The following RPS6KC1 variants were observed in gnomAD, a reference collection of about 807,000 sequenced individuals.
The protein encoded by RPS6KC1 is inactive ribosomal protein S6 kinase delta-1.
Under a neutral mutation model 103.8 loss-of-function variants are expected in RPS6KC1, and 54 were observed. The observed-to-expected ratio is 0.52, with a 90% CI of 0.42 to 0.65. RPS6KC1 has a LOEUF of 0.65. Ranked by LOEUF, RPS6KC1 falls within the 30% of genes least tolerant of loss-of-function variation. The pLI is 0.00. For synonymous variants in RPS6KC1, 439 were observed against 438.7 expected (o/e 1.00, Z -0.01); for missense variants, 1,151 against 1,253.8 (o/e 0.92, Z 1.24).
chr1:213,811,302 C>T, the RPS6KC1 span, among the ~76,000 whole-genome samples: 1 of 152,260 alleles, frequency 6.6e-6, no homozygotes, highest in African/African-American at 2.4e-5. Flanking sequence ...TTGAACGTGG[C>T]GGGGCTCGCA....
the RPS6KC1 span, among the ~76,000 whole-genome samples, chr1:213,628,196 A>G: frequency 6.6e-6 from 1 of 152,148 alleles, no homozygotes; most frequent in Non-Finnish European, 1.5e-5. Flanking sequence ...TAGATTTTCT[A>G]GTTTATTTGC....
chr1:213,215,634 T>A (rs1199589873), intron 8 of RPS6KC1, among the ~76,000 whole-genome samples: 3 of 152,080 alleles, frequency 2.0e-5, no homozygotes, highest in Admixed American at 2.0e-4. Flanking sequence ...GAGAGAAAGG[T>A]CGGGTTACCC....
chr1:213,241,410 T>G lies in RPS6KC1; in HGVS notation c.1934T>G (p.Phe645Cys). 4 of 1,613,942 alleles carry G rather than the reference T, an allele frequency of 2.5e-6. No homozygotes were observed. The highest frequency in any genetic ancestry group is 3.4e-6 in the Non-Finnish European group (4 of 1,179,952). The change falls in exon 11 of 15, where the codon TTT (phenylalanine) becomes TGT (cysteine). Residue 645 changes from phenylalanine to cysteine, a missense_variant. Phe to Cys is a radical substitution (Grantham distance 205, BLOSUM62 -2). Coordinates refer to ENST00000366960, the MANE Select transcript of RPS6KC1 (RefSeq NM_012424.6). ...LPDGDSASRS[F>C]NTSESKVEFK... ...GATGGAGACAGTGCTTCTAGGAGTT[T>G]TAATACTAGTGAAAGCAAGGTAGAG...
chr1:213,246,627 C>T (rs978214274), intron 12 of RPS6KC1, among the ~76,000 whole-genome samples: 1 of 151,966 alleles, frequency 6.6e-6, no homozygotes, highest in Non-Finnish European at 1.5e-5. Context: ...AAAGAATAAA[C>T]CTTTGTTTAT....
chr1:213,101,565 T>A (rs970395899), intron 3 of RPS6KC1, among the ~76,000 whole-genome samples: 1 of 152,218 alleles, frequency 6.6e-6, no homozygotes, highest in African/African-American at 2.4e-5. Flanking sequence ...TCCAATTTTT[T>A]TTTGTATTTG....
Position 213,262,756 on chromosome 1 carries a change from T to TCA in RPS6KC1, c.3034_3035dup (p.Thr1013LeufsTer3). The TCA allele has an allele frequency of 6.2e-7, 1 of 1,613,132 alleles. No homozygotes were observed. The highest frequency in any genetic ancestry group is 8.5e-7 in the Non-Finnish European group (1 of 1,179,070). On this transcript the variant is annotated frameshift_variant, in exon 14 of 15. Coordinates refer to ENST00000366960, the MANE Select transcript of RPS6KC1 (RefSeq NM_012424.6). LOFTEE classifies it high-confidence loss of function. ...AATGCCATCCAGCAGGAATAAATAC[T>TCA]CACACTACTTTGAACATGCCAGAAT...
At chr1:213,497,496 A>G in the RPS6KC1 span, among the ~76,000 whole-genome samples, 923 of 152,318 alleles carry the variant, frequency 6.1e-3, 16 homozygotes, top group African/African-American at 0.021. Context: ...TCATATAAGG[A>G]TATTACAATT....
chr1:213,774,317 G>A, the RPS6KC1 span, among the ~76,000 whole-genome samples: 12 of 152,140 alleles, frequency 7.9e-5, no homozygotes, highest in Admixed American at 1.3e-4. Context: ...CCCAGTCCTC[G>A]GGATTGCAAT....
chr1:213,499,788 G>A, the RPS6KC1 span, among the ~76,000 whole-genome samples: 4 of 152,180 alleles, frequency 2.6e-5, no homozygotes, highest in Middle Eastern at 3.2e-3. Context: ...AACCTGTACG[G>A]CATGTTACTG....
At chr1:213,608,372 G>A in the RPS6KC1 span, among the ~76,000 whole-genome samples, 1 of 152,186 alleles carries the variant, frequency 6.6e-6, no homozygotes, top group Non-Finnish European at 1.5e-5. Flanking sequence ...CTCTCCTGGT[G>A]GCCCCCTAAA....
intron 3 of RPS6KC1, among the ~76,000 whole-genome samples, chr1:213,092,052 A>T (rs2081015018): frequency 1.3e-5 from 2 of 151,478 alleles, no homozygotes; most frequent in African/African-American, 4.9e-5. Context: ...CCTTGATTTC[A>T]TGCTAAGAGG....
chr1:213,151,244 C>G (rs1342408616), intron 6 of RPS6KC1, among the ~76,000 whole-genome samples: 1 of 115,280 alleles, frequency 8.7e-6, no homozygotes, highest in African/African-American at 3.8e-5. Context: ...CCCTCCCGGA[C>G]GGGGCGGCTG....
the RPS6KC1 span, among the ~76,000 whole-genome samples, chr1:213,757,719 G>A: frequency 1.3e-5 from 2 of 152,176 alleles, no homozygotes; most frequent in Admixed American, 6.5e-5. Flanking sequence ...GCCTTCTATT[G>A]GAAGAAGATG....
the RPS6KC1 span, among the ~76,000 whole-genome samples, chr1:213,512,981 T>G: frequency 6.6e-6 from 1 of 152,188 alleles, no homozygotes; most frequent in Admixed American, 6.5e-5. Flanking sequence ...CTCTTAAAGA[T>G]GAGCATGTCC....
chr1:213,256,532 C>CT (rs1484178044), intron 12 of RPS6KC1, among the ~76,000 whole-genome samples: 1 of 144,666 alleles, frequency 6.9e-6, no homozygotes, highest in African/African-American at 2.7e-5. Context: ...AGCTGATGAG[C>CT]TAAAAAAAAA....
At chr1:213,708,868 T>C in the RPS6KC1 span, among the ~76,000 whole-genome samples, 1 of 152,248 alleles carries the variant, frequency 6.6e-6, no homozygotes, top group Non-Finnish European at 1.5e-5. Flanking sequence ...GATTTGTGTA[T>C]GTTGAACCAG....
chr1:213,360,201 A>G, the RPS6KC1 span, among the ~76,000 whole-genome samples: 4 of 152,266 alleles, frequency 2.6e-5, no homozygotes, highest in Non-Finnish European at 5.9e-5. Flanking sequence ...CACCAATCGG[A>G]CGCAGATTTG....
the RPS6KC1 span, among the ~76,000 whole-genome samples, chr1:213,613,603 C>T: frequency 6.6e-6 from 1 of 152,184 alleles, no homozygotes; most frequent in Non-Finnish European, 1.5e-5. Flanking sequence ...TATCTATTAT[C>T]CTCTCCTTTC....
chr1:213,118,428 A>C (rs2083957580), intron 5 of RPS6KC1, among the ~76,000 whole-genome samples: 1 of 152,150 alleles, frequency 6.6e-6, no homozygotes. Flanking sequence ...TAAACTAAAT[A>C]ATATTGCTTA....
Sources: allele counts gnomAD v4.1 joint callset (sites outside exome capture counted in the v4.1 genomes callset), GRCh38; gene constraint gnomAD v4.1.1; transcripts MANE v1.5; gene names NCBI Gene and HGNC (gene_info 2026-07-23, HGNC 2026-07-21).